Variants in MAF observed in about 807,000 individuals in gnomAD.
MAF encodes the protein transcription factor Maf.
A neutral mutation model predicts 22.0 loss-of-function variants in MAF; 10 were observed. That is an observed-to-expected ratio of 0.45 (90% CI 0.28 to 0.77). The LOEUF is 0.77. Ranked by LOEUF, MAF falls within the 30% of genes least tolerant of loss-of-function variation. The pLI is 0.12. For synonymous variants in MAF, 337 were observed against 255.8 expected (o/e 1.32, Z -3.03); for missense variants, 544 against 548.4 (o/e 0.99, Z 0.08).
the MAF span, among the ~76,000 whole-genome samples, chr16:79,550,562 T>C: frequency 8.5e-4 from 129 of 152,178 alleles, no homozygotes; most frequent in African/African-American, 3.0e-3. Context: ...TAGCTGAGCA[T>C]TGTCATGCAA....
chr16:79,212,274 A>G, the MAF span: 1 of 1,224,276 alleles, frequency 8.2e-7, no homozygotes, highest in East Asian at 2.6e-5. Context: ...ATTCATCCTG[A>G]CCAAGACTGA....
At chr16:79,270,911 T>TTC in the MAF span, among the ~76,000 whole-genome samples, 1 of 151,414 alleles carries the variant, frequency 6.6e-6, no homozygotes, top group African/African-American at 2.4e-5. Flanking sequence ...TTTTTTTTTT[T>TTC]TTTAATGAGA....
At chr16:79,308,704 T>A in the MAF span, among the ~76,000 whole-genome samples, 5 of 152,296 alleles carry the variant, frequency 3.3e-5, no homozygotes, top group African/African-American at 1.2e-4. Flanking sequence ...ATCCCCCACA[T>A]AATGCTATGA....
At chr16:79,274,023 C>T in the MAF span, among the ~76,000 whole-genome samples, 4 of 145,968 alleles carry the variant, frequency 2.7e-5, no homozygotes, top group Admixed American at 7.0e-5. Flanking sequence ...GGCACGATCT[C>T]GGCTCACTGC....
the MAF span, among the ~76,000 whole-genome samples, chr16:79,376,865 A>C: frequency 1.3e-5 from 2 of 152,196 alleles, no homozygotes; most frequent in East Asian, 3.9e-4. Flanking sequence ...ATCATTTTTT[A>C]TGGCTGCATA....
chr16:79,366,768 G>A, the MAF span, among the ~76,000 whole-genome samples: 1 of 152,242 alleles, frequency 6.6e-6, no homozygotes, highest in Non-Finnish European at 1.5e-5. Flanking sequence ...GACCTCTGCT[G>A]ATCCATGATC....
the MAF span, chr16:79,212,539 G>C: frequency 5.8e-6 from 1 of 172,068 alleles, no homozygotes; most frequent in African/African-American, 2.4e-5. Context: ...TTGGGGGGCA[G>C]AGAATAAAAC....
At chr16:79,470,538 A>G in the MAF span, among the ~76,000 whole-genome samples, 2 of 152,324 alleles carry the variant, frequency 1.3e-5, no homozygotes, top group South Asian at 4.1e-4. Context: ...AAATACAAAT[A>G]CTATTACTAA....
At chr16:79,573,637 G>A in the MAF span, among the ~76,000 whole-genome samples, 7 of 152,184 alleles carry the variant, frequency 4.6e-5, no homozygotes, top group South Asian at 1.4e-3. Flanking sequence ...ATACACAATA[G>A]ATATTTGTTC....
At chr16:79,341,532 A>G in the MAF span, among the ~76,000 whole-genome samples, 1 of 152,206 alleles carries the variant, frequency 6.6e-6, no homozygotes, top group Non-Finnish European at 1.5e-5. Context: ...ACATTACAGG[A>G]ATTGGCAGAT....
chr16:79,492,309 C>G, the MAF span, among the ~76,000 whole-genome samples: 3 of 152,018 alleles, frequency 2.0e-5, no homozygotes, highest in African/African-American at 7.3e-5. Flanking sequence ...TAAGGGAGCA[C>G]CAACCAAAAT....
chr16:79,516,831 G>A, the MAF span, among the ~76,000 whole-genome samples: 2 of 85,772 alleles, frequency 2.3e-5, no homozygotes, highest in African/African-American at 3.9e-5. Flanking sequence ...CAGAGCTAAC[G>A]TCTCAGGGCC....
the MAF span, among the ~76,000 whole-genome samples, chr16:79,352,153 G>C: frequency 1.3e-5 from 2 of 152,138 alleles, no homozygotes; most frequent in African/African-American, 4.8e-5. Context: ...GTTCTGCCAA[G>C]AAGCGGAGGA....
At chr16:79,424,158 G>T in the MAF span, among the ~76,000 whole-genome samples, 3 of 152,306 alleles carry the variant, frequency 2.0e-5, no homozygotes, top group African/African-American at 7.2e-5. Flanking sequence ...TTATCTGGTT[G>T]CAAGAGCTGG....
At chr16:79,525,684 G>A in the MAF span, among the ~76,000 whole-genome samples, 14 of 152,064 alleles carry the variant, frequency 9.2e-5, no homozygotes, top group East Asian at 2.7e-3. Context: ...AAACACACCT[G>A]GTGTTTAAAG....
At chr16:79,305,720 C>T in the MAF span, among the ~76,000 whole-genome samples, 2 of 152,068 alleles carry the variant, frequency 1.3e-5, no homozygotes, top group Non-Finnish European at 2.9e-5. Context: ...CAACAGAAAT[C>T]GACGCTGGAA....
At chr16:79,485,045 T>C in the MAF span, among the ~76,000 whole-genome samples, 1 of 152,200 alleles carries the variant, frequency 6.6e-6, no homozygotes, top group African/African-American at 2.4e-5. Context: ...CTTGGCCTGA[T>C]TGCCTGATTA....
the MAF span, among the ~76,000 whole-genome samples, chr16:79,329,125 G>C: frequency 1.1e-4 from 16 of 150,196 alleles, no homozygotes; most frequent in African/African-American, 3.4e-4. Context: ...TCTGGTTCTT[G>C]TTCTTCCTGG....
At chr16:79,321,357 A>T in the MAF span, among the ~76,000 whole-genome samples, 236 of 152,336 alleles carry the variant, frequency 1.5e-3, 2 homozygotes, top group African/African-American at 5.2e-3. Flanking sequence ...GTTAAATTTG[A>T]ATTTCAGATA....
Sources: gnomAD v4.1 joint callset for allele counts (sites outside exome capture counted in the v4.1 genomes callset) on GRCh38, gnomAD v4.1.1 for gene constraint, MANE v1.5 for transcripts, NCBI Gene and HGNC (gene_info 2026-07-23, HGNC 2026-07-21) for gene names.